The following FOCAD variants were observed in gnomAD, a reference collection of about 807,000 sequenced individuals.
FOCAD encodes focadhesin.
In FOCAD, 198 loss-of-function variants were observed where a neutral mutation model predicts 225.6. The ratio of observed to expected loss-of-function variants is 0.88; its 90% confidence interval spans 0.78 to 0.99. The LOEUF (loss-of-function observed/expected upper bound fraction) is 0.99. Ranked by LOEUF, FOCAD falls within the 50% of genes least tolerant of loss-of-function variation. The pLI is 0.00. For missense variants in FOCAD, 2,713 were observed against 2,123.6 expected, an observed-to-expected ratio of 1.28 and a Z score of -5.46; for synonymous variants, 897 against 755.0, an observed-to-expected ratio of 1.19 and a Z score of -3.08.
Position 20,982,465 on chromosome 9 carries a change from A to AGGAACAGCTCCGGTC in FOCAD, c.4728+19_4728+20insGGAACAGCTCCGGTC. ...TACTAAGGTAATAACATATCTTTCT[A>AGGAACAGCTCCGGTC]TACCTTTTTTCATTATTGAGCCAGA... is the stretch of plus-strand genomic sequence containing the variant. On this transcript the variant is annotated intron_variant, in intron 39 of 43. Transcript: ENST00000338382. 1 of 1,582,078 alleles carries AGGAACAGCTCCGGTC rather than the reference A, an allele frequency of 6.3e-7. No homozygotes were observed. The highest frequency in any genetic ancestry group is 8.7e-7 in the Non-Finnish European group (1 of 1,153,406).
chr9:20,698,717 T>A (rs1823589138), intron 1 of FOCAD, among the ~76,000 whole-genome samples: 1 of 152,232 alleles, frequency 6.6e-6, no homozygotes, highest in Non-Finnish European at 1.5e-5. Flanking sequence ...TGCAAAAATT[T>A]CTCAAGTGTT....
chr9:20,858,817 A>T (rs1230716884), intron 15 of FOCAD, among the ~76,000 whole-genome samples: 1 of 134,562 alleles, frequency 7.4e-6, no homozygotes. Flanking sequence ...GGAATTTTTC[A>T]CTTTGCTTTT....
chr9:20,865,658 C>A (rs571541311), intron 16 of FOCAD, among the ~76,000 whole-genome samples: 1 of 151,996 alleles, frequency 6.6e-6, no homozygotes, highest in Non-Finnish European at 1.5e-5. Flanking sequence ...TCTGTTAGTA[C>A]TTGAAGGGAC....
chr9:20,783,716 T>C (rs1346554508), intron 10 of FOCAD, among the ~76,000 whole-genome samples: 1 of 151,810 alleles, frequency 6.6e-6, no homozygotes, highest in Non-Finnish European at 1.5e-5. Flanking sequence ...TAAATAAATA[T>C]TAAAAAAAGT....
intron 15 of FOCAD, among the ~76,000 whole-genome samples, chr9:20,846,361 A>G (rs1827110377): frequency 6.6e-6 from 1 of 152,080 alleles, no homozygotes; most frequent in African/African-American, 2.4e-5. Flanking sequence ...TTAAAACCAG[A>G]GCCAACCTAG....
intron 15 of FOCAD, among the ~76,000 whole-genome samples, chr9:20,840,118 C>T (rs1417072924): frequency 6.6e-6 from 1 of 151,988 alleles, no homozygotes; most frequent in East Asian, 1.9e-4. Flanking sequence ...GTTGTTTTTG[C>T]TCGGGATGGT....
intron 22 of FOCAD, among the ~76,000 whole-genome samples, chr9:20,908,187 A>C (rs1246677447): frequency 2.6e-5 from 4 of 152,124 alleles, no homozygotes; most frequent in Admixed American, 2.6e-4. Context: ...ATTAAGGATA[A>C]TAGGAGAAAT....
intron 39 of FOCAD, 22 bp from the exon 40 acceptor site, chr9:20,986,266 A>ATTATTTTTTTTTTTTTTTTTTTTTTTTTT: frequency 1.6e-6 from 1 of 606,542 alleles, no homozygotes; most frequent in South Asian, 3.3e-5. Flanking sequence ...TAACTAAACA[A>ATTATTTTTTTTTTTTTTTTTTTTTTTTTT]TTTTTTTTTT....
intron 40 of FOCAD, 74 bp downstream of exon 40, chr9:20,986,539 T>G: frequency 7.4e-7 from 1 of 1,348,614 alleles, no homozygotes; most frequent in Non-Finnish European, 9.8e-7. Context: ...TGCACTTGAG[T>G]TCTCAACTTA....
At chr9:20,869,056 G>A (rs553648259) in intron 18 of FOCAD, among the ~76,000 whole-genome samples, 4 of 152,190 alleles carry the variant, frequency 2.6e-5, no homozygotes, top group Non-Finnish European at 4.4e-5. Flanking sequence ...CCTTAGTTTT[G>A]TAGATGTGAC....
rs1452925989 is a variant in FOCAD, at chr9:20,923,764, T to A, written c.2957T>A (p.Leu986Gln). The A allele has an allele frequency of 4.2e-5, 68 of 1,611,752 alleles. No individual in the cohort carries two copies. The highest frequency in any genetic ancestry group is 5.6e-5 in the Non-Finnish European group (66 of 1,178,214). Residue 986 changes from leucine (L) to glutamine (Q), a missense_variant, in exon 25 of 44, where the codon CTG becomes CAG. By Grantham distance (113) the Leu-to-Gln change is moderately radical. Coordinates refer to ENST00000338382, the MANE Select transcript of FOCAD (RefSeq NM_001375567.1). The part of the protein sequence containing the change: ...ASLSSDSDGL[L>Q]EVQPNFLSMK... Reference sequence around the variant, plus strand: ...CTCTCCTCAGACTCTGACGGGCTCCTGGAGGTTAGTTGGGGTGATTTAAAC... The same window carrying A: ...CTCTCCTCAGACTCTGACGGGCTCCAGGAGGTTAGTTGGGGTGATTTAAAC...
At chr9:20,969,679 A>C (rs985827022) in intron 35 of FOCAD, among the ~76,000 whole-genome samples, 2 of 118,710 alleles carry the variant, frequency 1.7e-5, no homozygotes, top group African/African-American at 6.5e-5. Flanking sequence ...ATAGTAAGTG[A>C]AAAGGGGAGT....
At chr9:20,944,080 C>T (rs895631701) in intron 28 of FOCAD, among the ~76,000 whole-genome samples, 3 of 152,200 alleles carry the variant, frequency 2.0e-5, no homozygotes, top group East Asian at 1.9e-4. Context: ...TGTGCACAAA[C>T]AGTTTCTTTA....
At chr9:20,777,702 T>C (rs1009322940) in intron 8 of FOCAD, among the ~76,000 whole-genome samples, 1 of 152,228 alleles carries the variant, frequency 6.6e-6, no homozygotes, top group African/African-American at 2.4e-5. Context: ...ATGCAAGTTA[T>C]ATAGATGAAT....
upstream of FOCAD, among the ~76,000 whole-genome samples, chr9:20,679,740 G>A (rs1173531246): frequency 6.6e-6 from 1 of 152,132 alleles, no homozygotes; most frequent in Non-Finnish European, 1.5e-5. Flanking sequence ...TCTTAAAGAC[G>A]GTAGTTTGTC....
chr9:20,932,663 G>C (rs539217865), intron 27 of FOCAD, among the ~76,000 whole-genome samples: 1 of 152,302 alleles, frequency 6.6e-6, no homozygotes, highest in East Asian at 1.9e-4. Context: ...GTATTCTGAA[G>C]AAAATCACTT....
rs1838165633 is a variant in FOCAD, at chr9:20,956,715, A to C, written c.4132+3650A>C. ...TGTTTGATTCCTTTTTTGTTTCATG[A>C]GGTTTGTTTTCATAAACCTCATGAA... On this transcript the variant is annotated intron_variant, in intron 35 of 43. Transcript: ENST00000338382. Among the ~76,000 whole-genome samples the C allele has an allele frequency of 2.0e-5, 3 of 152,052 alleles. No individual in the cohort carries two copies. In the South Asian group the frequency reaches 6.2e-4, roughly 32 times the overall value.
At chr9:20,959,705 T>C (rs1294350294) in intron 35 of FOCAD, among the ~76,000 whole-genome samples, 1 of 152,164 alleles carries the variant, frequency 6.6e-6, no homozygotes, top group Non-Finnish European at 1.5e-5. Flanking sequence ...GAATTGATTT[T>C]TGTAGGGCGA....
intron 15 of FOCAD, among the ~76,000 whole-genome samples, chr9:20,830,622 A>G (rs1030056619): frequency 6.6e-6 from 1 of 152,080 alleles, no homozygotes; most frequent in Non-Finnish European, 1.5e-5. Context: ...TTGAATGAAA[A>G]TATTAGTAAT....
Sources: allele counts gnomAD v4.1 joint callset (sites outside exome capture counted in the v4.1 genomes callset), GRCh38; gene constraint gnomAD v4.1.1; transcripts MANE v1.5; gene names NCBI Gene and HGNC (gene_info 2026-07-23, HGNC 2026-07-21).